SIN3A: variants seen among roughly 807,000 people sequenced by gnomAD.
The protein encoded by SIN3A is paired amphipathic helix protein Sin3a.
A neutral mutation model predicts 146.1 loss-of-function variants in SIN3A; 14 were observed. The ratio of observed to expected loss-of-function variants is 0.10; its 90% confidence interval spans 0.06 to 0.15. The LOEUF is 0.15. Ranked by LOEUF, SIN3A falls within the 10% of genes least tolerant of loss-of-function variation. The probability of loss-of-function intolerance (pLI) is 1.00; values close to 1 mark genes in which losing one functional copy is unlikely to be tolerated. For missense variants in SIN3A, 1,028 were observed against 1,576.0 expected (o/e 0.65, Z 5.89); for synonymous variants, 572 against 572.0 (o/e 1.00, Z 0.00).
intron 4 of SIN3A, among the ~76,000 whole-genome samples, chr15:75,413,542 A>T (rs941400879): frequency 1.4e-5 from 2 of 143,050 alleles, no homozygotes; most frequent in Admixed American, 7.2e-5. Context: ...ACTTGGCCAC[A>T]ATTTGTTTTT....
intron 20 of SIN3A, 43 bp from the exon 21 acceptor site, chr15:75,372,252 C>CA: frequency 7.6e-7 from 1 of 1,320,500 alleles, no homozygotes; most frequent in Non-Finnish European, 1.0e-6. Context: ...GAAGCAGAAC[C>CA]AAAAAAGAGC....
In SIN3A at chr15:75,401,911, A is replaced by G; in HGVS notation, c.1467T>C (p.Ile489=). 1 of 1,614,122 alleles carries G rather than the reference A, an allele frequency of 6.2e-7. No homozygotes were observed. Among genetic ancestry groups the G allele is most frequent in the Non-Finnish European group, 8.5e-7 (1 of 1,179,972 alleles). Residue 489 remains isoleucine, a synonymous_variant, in exon 10 of 21, where the codon ATT becomes ATC. Coordinates refer to ENST00000394947, the MANE Select transcript of SIN3A (RefSeq NM_001145358.2). Reference sequence around the variant, plus strand: ...CACGAGAGATCACCTCCTGGTTAAAAATAACAAGACAGCGTAGGAAATTTT... The same window carrying G: ...CACGAGAGATCACCTCCTGGTTAAAGATAACAAGACAGCGTAGGAAATTTT... ...AYENFLRCLV[I]FNQEVISRAE...
chr15:75,442,740 A>T (rs369524213), intron 1 of SIN3A, among the ~76,000 whole-genome samples: 3 of 151,728 alleles, frequency 2.0e-5, no homozygotes, highest in East Asian at 3.9e-4. Flanking sequence ...GACCAGCCTG[A>T]CCAACATGGA....
intron 5 of SIN3A, 40 bp downstream of exon 5, chr15:75,412,723 G>C: frequency 6.6e-7 from 1 of 1,507,760 alleles, no homozygotes; most frequent in Non-Finnish European, 8.9e-7. Context: ...TGCTCTCTAG[G>C]GATGCATTCA....
intron 20 of SIN3A, 62 bp downstream of exon 20, chr15:75,375,603 G>GCCTCCCCTGGT (rs1414708425): frequency 7.6e-6 from 10 of 1,310,544 alleles, no homozygotes; most frequent in Non-Finnish European, 1.1e-5. Context: ...AAGACTCTGG[G>GCCTCCCCTGGT]CCTCCCCTGG....
At chr15:75,408,469 G>A (rs958029777) in intron 8 of SIN3A, among the ~76,000 whole-genome samples, 3 of 152,136 alleles carry the variant, frequency 2.0e-5, no homozygotes, top group African/African-American at 7.2e-5. Context: ...CCAAACTTTT[G>A]TCATTATTTA....
At chr15:75,442,300 T>A (rs2074229900) in intron 1 of SIN3A, among the ~76,000 whole-genome samples, 1 of 151,092 alleles carries the variant, frequency 6.6e-6, no homozygotes, top group South Asian at 2.1e-4. Flanking sequence ...CTATCATACA[T>A]CTTTTTGGCA....
chr15:75,392,800 T>C lies in SIN3A; in HGVS notation c.2293A>G (p.Thr765Ala), dbSNP rs1480035054. ...SIYDERQEQA[T>A]EENAGVPVGP... ...ACAGGTACACCAGCATTCTCCTCCG[T>C]AGCCTGCTCTTGCCTCTGATGGGAC... is the stretch of plus-strand genomic sequence containing the variant. The change falls in exon 15 of 21, where the codon ACG becomes GCG. Residue 765 changes from threonine to alanine, a missense_variant. This residue lies in a region of SIN3A where 488 missense variants were observed against 690.2 expected (regional missense o/e 0.71). Transcript: ENST00000394947. 3 of 1,609,728 alleles carry C rather than the reference T, an allele frequency of 1.9e-6. No individual in the cohort carries two copies. The highest frequency in any genetic ancestry group is 1.7e-6 in the Non-Finnish European group (2 of 1,177,834).
At chr15:75,379,150 G>A (rs971680655) in intron 19 of SIN3A, among the ~76,000 whole-genome samples, 16 of 152,022 alleles carry the variant, frequency 1.1e-4, no homozygotes, top group Non-Finnish European at 2.2e-4. Context: ...CCACAGCCTC[G>A]GCCTCCCAAA....
intron 3 of SIN3A, chr15:75,419,954 A>G (rs372402126): frequency 2.6e-5 from 4 of 152,254 alleles, no homozygotes; most frequent in African/African-American, 7.2e-5. Flanking sequence ...CACCTAAAGC[A>G]TAGTCCAACT....
intron 1 of SIN3A, among the ~76,000 whole-genome samples, chr15:75,430,659 C>T (rs1021264054): frequency 6.6e-6 from 1 of 152,114 alleles, no homozygotes. Flanking sequence ...TTGAAAAATA[C>T]GCTCCAATTT....
At chr15:75,386,447 G>A (rs947336509) in intron 16 of SIN3A, among the ~76,000 whole-genome samples, 5 of 152,138 alleles carry the variant, frequency 3.3e-5, no homozygotes, top group African/African-American at 1.2e-4. Flanking sequence ...AGACAGCTAC[G>A]GAACTCCCAC....
chr15:75,445,938 A>G (rs1056758773), intron 1 of SIN3A, among the ~76,000 whole-genome samples: 6 of 152,174 alleles, frequency 3.9e-5, no homozygotes, highest in African/African-American at 1.4e-4. Flanking sequence ...CCATCTATGT[A>G]TCCTCTACCA....
At chr15:75,380,564 ATTT>A in intron 19 of SIN3A, 62 bp downstream of exon 19, 1 of 1,206,694 alleles carries the variant, frequency 8.3e-7, no homozygotes, top group Non-Finnish European at 1.2e-6. Context: ...CGTGAAAGTC[ATTT>A]AACTCTCCAT....
intron 20 of SIN3A, among the ~76,000 whole-genome samples, chr15:75,372,601 C>T (rs373595469): frequency 3.3e-5 from 5 of 152,120 alleles, no homozygotes; most frequent in African/African-American, 1.2e-4. Context: ...GCAGGCAGTT[C>T]GCTTGAGCTC....
At chr15:75,398,356 A>C (rs1258589991) in intron 12 of SIN3A, among the ~76,000 whole-genome samples, 4 of 151,688 alleles carry the variant, frequency 2.6e-5, no homozygotes, top group African/African-American at 9.7e-5. Context: ...TATTCACTCC[A>C]CTCTTCCCTT....
chr15:75,430,938 GCTA>G (rs2074003989), intron 1 of SIN3A, among the ~76,000 whole-genome samples: 1 of 152,048 alleles, frequency 6.6e-6, no homozygotes, highest in Non-Finnish European at 1.5e-5. Context: ...ACCACACCCG[GCTA>G]CTTTTTTTGC....
At chr15:75,445,759 GA>G (rs774883850) in intron 1 of SIN3A, among the ~76,000 whole-genome samples, 1,587 of 86,520 alleles carry the variant, frequency 0.018, 18 homozygotes, top group East Asian at 0.096. Flanking sequence ...TCAAAAAAAA[GA>G]AAAAAAAAAA....
chr15:75,379,954 T>G (rs2072934016), intron 19 of SIN3A, among the ~76,000 whole-genome samples: 1 of 152,236 alleles, frequency 6.6e-6, no homozygotes, highest in Non-Finnish European at 1.5e-5. Flanking sequence ...TCTTGGATTT[T>G]GGGCAATGTT....
Sources: gnomAD v4.1 joint callset for allele counts (sites outside exome capture counted in the v4.1 genomes callset) on GRCh38, gnomAD v4.1.1 for gene constraint, gnomAD v4.1.1 regional missense constraint, MANE v1.5 for transcripts, NCBI Gene and HGNC (gene_info 2026-07-23, HGNC 2026-07-21) for gene names.